Variants in SLC25A21 observed in about 807,000 individuals in gnomAD.
The protein encoded by SLC25A21 is solute carrier family 25 member 21.
In SLC25A21, 47 loss-of-function variants were observed where a neutral mutation model predicts 43.8. That is an observed-to-expected ratio of 1.07 (90% CI 0.85 to 1.37). The LOEUF (loss-of-function observed/expected upper bound fraction) is 1.37, where lower values mean the gene tolerates loss of function less well. Ranked by LOEUF, SLC25A21 falls within the 40% of genes most tolerant of loss-of-function variation. SLC25A21 has a pLI of 0.00. For missense variants in SLC25A21, 352 were observed against 350.2 expected (o/e 1.00, Z -0.04); for synonymous variants, 131 against 121.3 (o/e 1.08, Z -0.52).
At chr14:36,987,951 G>A (rs1308700059) in intron 1 of SLC25A21, among the ~76,000 whole-genome samples, 6 of 152,154 alleles carry the variant, frequency 3.9e-5, no homozygotes, top group Non-Finnish European at 8.8e-5. Flanking sequence ...TGTTTCTAAA[G>A]TTTGAAGTTA....
intron 2 of SLC25A21, among the ~76,000 whole-genome samples, chr14:36,819,423 A>T (rs571210530): frequency 6.6e-6 from 1 of 152,298 alleles, no homozygotes; most frequent in East Asian, 1.9e-4. Flanking sequence ...TCATGACTGC[A>T]GCATTTCGCA....
chr14:36,884,348 T>C (rs930486854), intron 1 of SLC25A21, among the ~76,000 whole-genome samples: 3 of 152,198 alleles, frequency 2.0e-5, no homozygotes, highest in African/African-American at 7.2e-5. Context: ...AGTATTCTGT[T>C]GTATACATTT....
At chr14:36,777,027 A>C (rs2138369518) in intron 3 of SLC25A21, among the ~76,000 whole-genome samples, 1 of 152,298 alleles carries the variant, frequency 6.6e-6, no homozygotes, top group Non-Finnish European at 1.5e-5. Flanking sequence ...TGGGAGGCCG[A>C]GGTGGGCGGA....
At chr14:36,821,854 A>C (rs899095698) in intron 2 of SLC25A21, among the ~76,000 whole-genome samples, 15 of 152,170 alleles carry the variant, frequency 9.9e-5, no homozygotes, top group African/African-American at 2.9e-4. Flanking sequence ...CCAAACCAAA[A>C]CAAAACAAAA....
intron 7 of SLC25A21, among the ~76,000 whole-genome samples, chr14:36,707,341 C>G (rs1309897061): frequency 2.0e-5 from 3 of 152,162 alleles, no homozygotes; most frequent in African/African-American, 7.2e-5. Context: ...AGTGCTGGGA[C>G]AGCTTCTCAT....
intron 3 of SLC25A21, among the ~76,000 whole-genome samples, chr14:36,763,419 AG>A (rs1439780801): frequency 6.6e-6 from 1 of 152,202 alleles, no homozygotes; most frequent in Non-Finnish European, 1.5e-5. Context: ...TGGGGTTTCC[AG>A]TCCACTGGGA....
intron 7 of SLC25A21, among the ~76,000 whole-genome samples, chr14:36,703,965 C>A (rs1274300886): frequency 6.6e-6 from 1 of 152,170 alleles, no homozygotes; most frequent in African/African-American, 2.4e-5. Context: ...AAGTATAATT[C>A]TTTATCCTGA....
intron 1 of SLC25A21, among the ~76,000 whole-genome samples, chr14:36,912,866 C>G (rs1005403357): frequency 6.6e-6 from 1 of 152,126 alleles, no homozygotes; most frequent in Non-Finnish European, 1.5e-5. Context: ...GTCTAACTTT[C>G]CAGGCTCTCC....
intron 1 of SLC25A21, among the ~76,000 whole-genome samples, chr14:37,144,886 G>C (rs999551351): frequency 6.6e-6 from 1 of 151,908 alleles, no homozygotes; most frequent in African/African-American, 2.4e-5. Flanking sequence ...GCCTGCCTTG[G>C]CCTCCCAAAG....
chr14:37,149,045 A>T (rs1018550080), intron 1 of SLC25A21, among the ~76,000 whole-genome samples: 4 of 152,176 alleles, frequency 2.6e-5, no homozygotes, highest in African/African-American at 9.7e-5. Context: ...TGCTGGAATT[A>T]CAGGCGTGAG....
At chr14:37,140,380 T>C (rs955732571) in intron 1 of SLC25A21, among the ~76,000 whole-genome samples, 3 of 152,220 alleles carry the variant, frequency 2.0e-5, no homozygotes, top group African/African-American at 7.2e-5. Flanking sequence ...TTGATAATTC[T>C]TGGTAAATGC....
At chr14:36,988,308 T>G (rs1960190210) in intron 1 of SLC25A21, among the ~76,000 whole-genome samples, 1 of 152,110 alleles carries the variant, frequency 6.6e-6, no homozygotes, top group Non-Finnish European at 1.5e-5. Flanking sequence ...CCTATCAAGG[T>G]TAAGGACTAT....
At chr14:36,824,544 G>A (rs1249382292) in intron 2 of SLC25A21, among the ~76,000 whole-genome samples, 2 of 152,052 alleles carry the variant, frequency 1.3e-5, no homozygotes, top group African/African-American at 4.8e-5. Flanking sequence ...CTATCCCAGT[G>A]TGTCCTCTAG....
chr14:36,952,110 G>A (rs1298178581), intron 1 of SLC25A21, among the ~76,000 whole-genome samples: 1 of 152,020 alleles, frequency 6.6e-6, no homozygotes, highest in African/African-American at 2.4e-5. Context: ...GTGCGTGCCT[G>A]TAATCCCAGC....
chr14:37,096,155 A>C (rs1293906741), intron 1 of SLC25A21, among the ~76,000 whole-genome samples: 2 of 152,210 alleles, frequency 1.3e-5, no homozygotes, highest in Non-Finnish European at 2.9e-5. Flanking sequence ...ACTATATAAC[A>C]GGTACAGAGA....
At chr14:36,843,000 G>A (rs947526333) in intron 2 of SLC25A21, among the ~76,000 whole-genome samples, 6 of 152,238 alleles carry the variant, frequency 3.9e-5, no homozygotes, top group African/African-American at 1.2e-4. Flanking sequence ...CATAAGCAGC[G>A]TGCAACCTAG....
chr14:37,084,011 C>G (rs1314852778), intron 1 of SLC25A21, among the ~76,000 whole-genome samples: 1 of 152,148 alleles, frequency 6.6e-6, no homozygotes, highest in Non-Finnish European at 1.5e-5. Flanking sequence ...AGCATGGTGA[C>G]TATTCATCCT....
chr14:36,874,572 G>C (rs998609114), intron 2 of SLC25A21, among the ~76,000 whole-genome samples: 9 of 152,294 alleles, frequency 5.9e-5, no homozygotes, highest in East Asian at 1.9e-4. Flanking sequence ...AAATTTTGAA[G>C]TCTCATACCA....
chr14:37,127,441 C>A (rs17106393), intron 1 of SLC25A21, among the ~76,000 whole-genome samples: 7 of 152,174 alleles, frequency 4.6e-5, no homozygotes, highest in African/African-American at 1.7e-4. Flanking sequence ...CTGCACAAAG[C>A]GTTATGAGCA....
Sources: allele counts gnomAD v4.1 joint callset (sites outside exome capture counted in the v4.1 genomes callset), GRCh38; gene constraint gnomAD v4.1.1; transcripts MANE v1.5; gene names NCBI Gene and HGNC (gene_info 2026-07-23, HGNC 2026-07-21).